The following AUTS2 variants were observed in gnomAD, a reference collection of about 807,000 sequenced individuals.
AUTS2 encodes the protein autism susceptibility gene 2 protein.
A neutral mutation model predicts 112.4 loss-of-function variants in AUTS2; 17 were observed. The ratio of observed to expected loss-of-function variants is 0.15; its 90% CI spans 0.10 to 0.23. The LOEUF (loss-of-function observed/expected upper bound fraction) is 0.23, where lower values mean the gene tolerates loss of function less well. Among genes scored for constraint, AUTS2 ranks in the 10% least tolerant of loss-of-function variants. The pLI, the probability that AUTS2 is intolerant of heterozygous loss-of-function variation, is 1.00. For synonymous variants in AUTS2, 751 were observed against 702.7 expected (o/e 1.07, Z -1.09); for missense variants, 1,510 against 1,701.6 (o/e 0.89, Z 1.98).
chr7:69,849,726 C>T (rs1024486723), intron 1 of AUTS2, among the ~76,000 whole-genome samples: 1 of 151,994 alleles, frequency 6.6e-6, no homozygotes. Flanking sequence ...TTTTTAAACT[C>T]ACTGTAATGC....
chr7:70,548,818 G>A (rs574616338), intron 5 of AUTS2, among the ~76,000 whole-genome samples: 152 of 151,972 alleles, frequency 1.0e-3, no homozygotes, highest in Admixed American at 3.3e-3. Context: ...AGGATGTTTT[G>A]AAATAGGGAA....
intron 4 of AUTS2, among the ~76,000 whole-genome samples, chr7:70,332,574 T>C (rs958286303): frequency 3.3e-5 from 5 of 152,190 alleles, no homozygotes; most frequent in African/African-American, 1.2e-4. Context: ...ACTACAAGGC[T>C]ACAGTAACCA....
intron 5 of AUTS2, among the ~76,000 whole-genome samples, chr7:70,476,720 A>T (rs1201871978): frequency 2.0e-5 from 3 of 152,216 alleles, no homozygotes; most frequent in South Asian, 2.1e-4. Flanking sequence ...GCCTTCAGCA[A>T]GCTAGTTAAC....
chr7:69,650,235 A>T (rs1206584271), intron 1 of AUTS2, among the ~76,000 whole-genome samples: 1 of 152,170 alleles, frequency 6.6e-6, no homozygotes, highest in Non-Finnish European at 1.5e-5. Context: ...AGTATGTCCT[A>T]AGTAGGTTAA....
At chr7:70,343,487 ACTAT>A (rs1282623690) in intron 4 of AUTS2, among the ~76,000 whole-genome samples, 4 of 152,242 alleles carry the variant, frequency 2.6e-5, no homozygotes, top group Admixed American at 2.6e-4. Flanking sequence ...ATGGAAAGAC[ACTAT>A]CTATCCCACT....
intron 4 of AUTS2, among the ~76,000 whole-genome samples, chr7:70,256,590 A>C (rs1312113783): frequency 1.3e-5 from 2 of 152,218 alleles, no homozygotes; most frequent in African/African-American, 4.8e-5. Context: ...AGAGTCCTGC[A>C]AGTTGGTATT....
At chr7:70,414,117 T>G (rs74703382) in intron 4 of AUTS2, among the ~76,000 whole-genome samples, 7,582 of 152,296 alleles carry the variant, frequency 0.05, 279 homozygotes, top group Middle Eastern at 0.12. Context: ...AGAGAATAAT[T>G]CTACCTACCT....
At chr7:70,748,752 T>G (rs1788620581) in intron 6 of AUTS2, among the ~76,000 whole-genome samples, 1 of 152,204 alleles carries the variant, frequency 6.6e-6, no homozygotes, top group Non-Finnish European at 1.5e-5. Flanking sequence ...TAACACCTCA[T>G]GGTTCTTTCA....
At chr7:70,008,476 G>A (rs190474350) in intron 2 of AUTS2, among the ~76,000 whole-genome samples, 8 of 152,128 alleles carry the variant, frequency 5.3e-5, no homozygotes, top group East Asian at 1.9e-4. Flanking sequence ...GTCTACCAGC[G>A]TCTCTTCAAG....
chr7:70,294,415 A>G (rs1584984191), intron 4 of AUTS2, among the ~76,000 whole-genome samples: 1 of 152,172 alleles, frequency 6.6e-6, no homozygotes, highest in South Asian at 2.1e-4. Flanking sequence ...CCTTTCCCAT[A>G]TTAAACCCTT....
chr7:70,421,121 G>A (rs1015940242), intron 4 of AUTS2, among the ~76,000 whole-genome samples: 2 of 151,852 alleles, frequency 1.3e-5, no homozygotes, highest in Admixed American at 6.6e-5. Context: ...AGATGCCACC[G>A]GAAATTAAAA....
intron 2 of AUTS2, among the ~76,000 whole-genome samples, chr7:70,042,734 A>C (rs1161842008): frequency 2.0e-5 from 3 of 152,198 alleles, no homozygotes; most frequent in Non-Finnish European, 4.4e-5. Context: ...TCTATTCTGC[A>C]TGAAGTCTTT....
intron 2 of AUTS2, among the ~76,000 whole-genome samples, chr7:70,083,659 T>G (rs1007332448): frequency 4.6e-5 from 7 of 152,134 alleles, no homozygotes; most frequent in Admixed American, 2.0e-4. Flanking sequence ...ATCAAGGTAA[T>G]GAACAGGCTA....
intron 11 of AUTS2, among the ~76,000 whole-genome samples, 165 bp from the exon 12 acceptor site, chr7:70,773,863 C>A (rs187569356): frequency 2.6e-5 from 4 of 152,198 alleles, no homozygotes; most frequent in Non-Finnish European, 5.9e-5. Flanking sequence ...GTCAGGCCCC[C>A]TTGAGAAAGA....
At chr7:69,861,987 G>A (rs1793007140) in intron 1 of AUTS2, among the ~76,000 whole-genome samples, 1 of 152,102 alleles carries the variant, frequency 6.6e-6, no homozygotes, top group African/African-American at 2.4e-5. Flanking sequence ...TCTCTCGTGT[G>A]GTTTTGAATT....
At chr7:70,668,205 C>T (rs965336195) in intron 5 of AUTS2, among the ~76,000 whole-genome samples, 20 of 152,312 alleles carry the variant, frequency 1.3e-4, no homozygotes, top group African/African-American at 3.4e-4. Context: ...TCTTGAACTC[C>T]GGACCTCAGA....
intron 1 of AUTS2, among the ~76,000 whole-genome samples, chr7:69,614,370 T>TTCTTTCTTTTCTTTCTTTCTTTCTTTC (rs1583942896): frequency 3.5e-5 from 1 of 28,504 alleles, no homozygotes; most frequent in Admixed American, 3.3e-4. Flanking sequence ...CTTTCTTTTT[T>TTCTTTCTTTTCTTTCTTTCTTTCTTTC]TAAGAGATGG....
At chr7:70,604,437 A>G (rs547893473) in intron 5 of AUTS2, among the ~76,000 whole-genome samples, 3 of 152,352 alleles carry the variant, frequency 2.0e-5, no homozygotes, top group African/African-American at 7.2e-5. Flanking sequence ...TGCAGCAACC[A>G]TCACAGAGAG....
At chr7:70,366,229 C>CT (rs1792561750) in intron 4 of AUTS2, among the ~76,000 whole-genome samples, 1 of 152,156 alleles carries the variant, frequency 6.6e-6, no homozygotes, top group African/African-American at 2.4e-5. Flanking sequence ...ACCTCCTTCT[C>CT]TTAGAGACAG....
Sources: gnomAD v4.1 joint callset for allele counts (sites outside exome capture counted in the v4.1 genomes callset) on GRCh38, gnomAD v4.1.1 for gene constraint, MANE v1.5 for transcripts, NCBI Gene and HGNC (gene_info 2026-07-23, HGNC 2026-07-21) for gene names.